The following DNAJC25 variants were observed in gnomAD, a reference collection of about 807,000 sequenced individuals.
DNAJC25 encodes the protein dnaJ homolog subfamily C member 25.
A neutral mutation model predicts 42.1 loss-of-function variants in DNAJC25; 26 were observed. The ratio of observed to expected loss-of-function variants is 0.62; its 90% confidence interval spans 0.45 to 0.86. DNAJC25 has a LOEUF of 0.86. Ranked by LOEUF, DNAJC25 falls within the 40% of genes least tolerant of loss-of-function variation. The pLI, the probability that DNAJC25 is intolerant of heterozygous loss-of-function variation, is 0.00. For synonymous variants in DNAJC25, 189 were observed against 179.9 expected, an observed-to-expected ratio of 1.05 and a Z score of -0.40; for missense variants, 404 against 459.4, an observed-to-expected ratio of 0.88 and a Z score of 1.10.
chr9:111,651,188 A>G (rs1047065066), intron 3 of DNAJC25, among the ~76,000 whole-genome samples: 1 of 149,672 alleles, frequency 6.7e-6, no homozygotes, highest in African/African-American at 2.5e-5. Flanking sequence ...CACTCGAACC[A>G]GGGAGGCAGA....
At chr9:111,647,368 C>G in intron 2 of DNAJC25, 109 bp downstream of exon 2, 2 of 1,377,698 alleles carry the variant, frequency 1.5e-6, no homozygotes, top group Non-Finnish European at 2.0e-6. Context: ...AATTTTACTT[C>G]TAGTTGAGAT....
chr9:111,631,581 C>T lies in DNAJC25; in HGVS notation c.174C>T (p.Arg58=). 2 of 1,458,266 alleles carry T rather than the reference C, an allele frequency of 1.4e-6. No homozygotes were observed. The highest frequency in any genetic ancestry group is 1.8e-6 in the Non-Finnish European group (2 of 1,114,198). 90.3% of individuals were successfully genotyped at this position (1,458,266 alleles called of 1,614,324 possible). The stretch of plus-strand genomic sequence containing the variant: ...GCTACGAGGTGCTGGGCGTGAGCCG[C>T]TCGGCGGGCAAGGCGGAGATCGCGC... The part of the protein sequence containing the change: ...RDCYEVLGVS[R]SAGKAEIARA... Residue 58 remains arginine (R), a synonymous_variant, in exon 1 of 4, where the codon CGC becomes CGT. Coordinates refer to ENST00000313525, the MANE Select transcript of DNAJC25 (RefSeq NM_001015882.3).
At chr9:111,652,514 C>CAAAAAA (rs1308204248) in intron 3 of DNAJC25, among the ~76,000 whole-genome samples, 6 of 64,598 alleles carry the variant, frequency 9.3e-5, no homozygotes, top group Non-Finnish European at 1.8e-4. Flanking sequence ...GACCCTGTCT[C>CAAAAAA]AAAAAAAAAA....
chr9:111,632,377 A>G (rs1830297350), intron 1 of DNAJC25, among the ~76,000 whole-genome samples: 1 of 152,250 alleles, frequency 6.6e-6, no homozygotes, highest in African/African-American at 2.4e-5. Context: ...GGATTAAATG[A>G]TAAGTGTGCG....
chr9:111,641,164 C>G (rs1226572359), intron 1 of DNAJC25, among the ~76,000 whole-genome samples: 6 of 119,406 alleles, frequency 5.0e-5, no homozygotes. Context: ...GCCGCCCCAT[C>G]CGGGAGGGAG....
chr9:111,639,801 C>A (rs1830418410), intron 1 of DNAJC25, among the ~76,000 whole-genome samples: 1 of 151,578 alleles, frequency 6.6e-6, no homozygotes, highest in Non-Finnish European at 1.5e-5. Flanking sequence ...TCCTGACCTT[C>A]ACCACCCCAA....
chr9:111,647,964 A>T (rs1158738407), intron 2 of DNAJC25, among the ~76,000 whole-genome samples: 1 of 151,864 alleles, frequency 6.6e-6, no homozygotes, highest in African/African-American at 2.4e-5. Context: ...ATTTTAGTAG[A>T]GACGGGGTTT....
At chr9:111,641,194 G>A (rs1170200634) in intron 1 of DNAJC25, among the ~76,000 whole-genome samples, 16 of 105,564 alleles carry the variant, frequency 1.5e-4, no homozygotes, top group African/African-American at 4.1e-4. Flanking sequence ...TCAGCCCCCC[G>A]CCTGGCCAGC....
chr9:111,649,493 A>G lies in DNAJC25; in HGVS notation c.530A>G (p.Tyr177Cys), dbSNP rs1351228377. 3 of 1,606,316 alleles carry G rather than the reference A, an allele frequency of 1.9e-6. No individual in the cohort carries two copies. The highest frequency in any genetic ancestry group is 2.5e-6 in the Non-Finnish European group (3 of 1,177,970). The change falls in exon 3 of 4, where the codon TAC becomes TGC. Residue 177 changes from tyrosine (Y) to cysteine (C), a missense_variant. Tyr to Cys is a radical substitution (Grantham distance 194, BLOSUM62 -2). Coordinates refer to ENST00000313525, the MANE Select transcript of DNAJC25 (RefSeq NM_001015882.3). ...AATAGCTACAATAAGGCAATCAGCTACCTAGCCACAGTGCCCAAGTACCGT... is the reference window on the plus strand; with the variant it reads ...AATAGCTACAATAAGGCAATCAGCTGCCTAGCCACAGTGCCCAAGTACCGT... ...WWNSYNKAIS[Y>C]LATVPKYRIQ...
intron 3 of DNAJC25, 107 bp downstream of exon 3, chr9:111,650,030 T>C (rs1271768048): frequency 1.9e-6 from 2 of 1,079,046 alleles, no homozygotes; most frequent in Non-Finnish European, 1.3e-6. Flanking sequence ...TCTGAAATCC[T>C]AGAGTTAAAC....
Position 111,631,578 on chromosome 9 carries a change from C to T in DNAJC25, c.171C>T (p.Ser57=). The change falls in exon 1 of 4, where the codon AGC becomes AGT. Residue 57 remains serine, a synonymous_variant. Transcript: ENST00000313525. ...ACTGCTACGAGGTGCTGGGCGTGAG[C>T]CGCTCGGCGGGCAAGGCGGAGATCG... is the stretch of plus-strand genomic sequence containing the variant. ...TRDCYEVLGV[S]RSAGKAEIAR... is the part of the protein sequence containing the mutation. 4 of 1,454,252 alleles carry T rather than the reference C, an allele frequency of 2.8e-6. No individual in the cohort carries two copies. Among genetic ancestry groups the T allele is most frequent in the Non-Finnish European group, 3.6e-6 (4 of 1,112,464 alleles). 90.1% of individuals were successfully genotyped at this position (1,454,252 alleles called of 1,614,324 possible).
chr9:111,646,533 T>C (rs1303138001), intron 1 of DNAJC25, among the ~76,000 whole-genome samples: 1 of 152,244 alleles, frequency 6.6e-6, no homozygotes, highest in Non-Finnish European at 1.5e-5. Context: ...TTGTTAGCTC[T>C]TTTTGTGAAT....
chr9:111,651,327 A>AG (rs1310076359), intron 3 of DNAJC25, among the ~76,000 whole-genome samples: 1 of 151,938 alleles, frequency 6.6e-6, no homozygotes, highest in Admixed American at 6.6e-5. Context: ...GTTAGCTCCT[A>AG]AACTATTTGA....
intron 1 of DNAJC25, among the ~76,000 whole-genome samples, chr9:111,640,971 T>C (rs1304582823): frequency 5.5e-4 from 41 of 74,412 alleles, no homozygotes; most frequent in African/African-American, 1.8e-3. Context: ...GCCCCCCGCC[T>C]GGCCAGCCGT....
At chr9:111,645,084 C>T (rs905206830) in intron 1 of DNAJC25, among the ~76,000 whole-genome samples, 1 of 152,174 alleles carries the variant, frequency 6.6e-6, no homozygotes, top group Non-Finnish European at 1.5e-5. Flanking sequence ...TGAGCTCACA[C>T]CTCGTTGTAT....
At chr9:111,633,833 T>C (rs1369435145) in intron 1 of DNAJC25, among the ~76,000 whole-genome samples, 1 of 152,216 alleles carries the variant, frequency 6.6e-6, no homozygotes, top group African/African-American at 2.4e-5. Flanking sequence ...CCCTAAAGTT[T>C]ACCACTCATT....
At chr9:111,643,886 C>A (rs570736058) in intron 1 of DNAJC25, among the ~76,000 whole-genome samples, 1 of 152,232 alleles carries the variant, frequency 6.6e-6, no homozygotes, top group South Asian at 2.1e-4. Flanking sequence ...CTTGTTCTTA[C>A]TAGGTTGATT....
chr9:111,649,376 C>T (rs1459938625), intron 2 of DNAJC25, 77 bp from the exon 3 acceptor site: 14 of 1,439,214 alleles, frequency 9.7e-6, no homozygotes, highest in South Asian at 9.7e-5. Flanking sequence ...TGGTATTCAC[C>T]GAGACTCTAT....
chr9:111,643,795 T>C (rs1830524565), intron 1 of DNAJC25, among the ~76,000 whole-genome samples: 2 of 152,068 alleles, frequency 1.3e-5, no homozygotes, highest in African/African-American at 2.4e-5. Context: ...AAAATAAGAA[T>C]GTACCTTAGC....
Sources: allele counts gnomAD v4.1 joint callset (sites outside exome capture counted in the v4.1 genomes callset), GRCh38; gene constraint gnomAD v4.1.1; transcripts MANE v1.5; gene names NCBI Gene and HGNC (gene_info 2026-07-23, HGNC 2026-07-21).